CDC42: variants seen among roughly 807,000 people sequenced by gnomAD.
CDC42 encodes the protein cell division control protein 42 homolog.
In CDC42, 1 loss-of-function variant was observed where a neutral mutation model predicts 20.8. That is an observed-to-expected ratio of 0.05 (90% CI 0.02 to 0.23). The LOEUF is 0.23. Ranked by LOEUF, CDC42 falls within the 10% of genes least tolerant of loss-of-function variation. The pLI, the probability that CDC42 is intolerant of heterozygous loss-of-function variation, is 1.00. For synonymous variants in CDC42, 72 were observed against 84.8 expected (o/e 0.85, Z 0.83); for missense variants, 49 against 227.9 (o/e 0.21, Z 5.05).
Position 22,094,367 on chromosome 1 carries a change from G to C in CDC42, c.*2850G>C. Among the ~76,000 whole-genome samples, 1 of 117,212 alleles carries C rather than the reference G, an allele frequency of 8.5e-6. No homozygotes were observed. The highest frequency in any genetic ancestry group is 2.7e-4 in the East Asian group (1 of 3,642). 76.9% of individuals were successfully genotyped at this position (117,212 alleles called of 152,430 possible). A position where few individuals can be genotyped will look rare whatever the true frequency, so the allele number is the denominator to read the frequency against. On this transcript the variant is annotated 3_prime_UTR_variant, in exon 6 of 6. Transcript: ENST00000656825. ...GGCTGGAGTGCAGTGGCGCGATCTCGGCTCACTGCAAGCTCCGCCTCCCGG... is the reference window on the plus strand; with the variant it reads ...GGCTGGAGTGCAGTGGCGCGATCTCCGCTCACTGCAAGCTCCGCCTCCCGG...
At chr1:22,065,009 CG>C (rs747039301) in intron 1 of CDC42, among the ~76,000 whole-genome samples, 1 of 152,184 alleles carries the variant, frequency 6.6e-6, no homozygotes, top group Non-Finnish European at 1.5e-5. Flanking sequence ...GATTATTTCA[CG>C]TTGATAGTAA....
intron 1 of CDC42, among the ~76,000 whole-genome samples, chr1:22,058,156 G>A (rs1405251578): frequency 6.6e-6 from 1 of 152,150 alleles, no homozygotes; most frequent in African/African-American, 2.4e-5. Context: ...GAACTATCAG[G>A]ATTCATCCCA....
intron 1 of CDC42, among the ~76,000 whole-genome samples, chr1:22,078,191 T>G (rs1645571755): frequency 6.6e-6 from 1 of 152,198 alleles, no homozygotes; most frequent in African/African-American, 2.4e-5. Context: ...TCACACCACT[T>G]TGGACCTTTT....
intron 3 of CDC42, among the ~76,000 whole-genome samples, chr1:22,083,248 A>G (rs971286295): frequency 1.3e-5 from 2 of 152,266 alleles, no homozygotes; most frequent in East Asian, 3.9e-4. Context: ...TTTATTATTT[A>G]TAAGCCTTTA....
chr1:22,064,475 C>T (rs888222157), intron 1 of CDC42, among the ~76,000 whole-genome samples: 8 of 151,238 alleles, frequency 5.3e-5, no homozygotes, highest in East Asian at 2.0e-4. Flanking sequence ...TATTTTTAGT[C>T]GAGACGGGTT....
chr1:22,097,926 C>T lies in CDC42; in HGVS notation c.*6409C>T, dbSNP rs924497078. On this transcript the variant is annotated 3_prime_UTR_variant, in exon 6 of 6. Coordinates refer to ENST00000656825, the MANE Select transcript of CDC42 (RefSeq NM_001791.4). The stretch of plus-strand genomic sequence containing the variant: ...AAATGCTCGATGGATTTTGGGTCCA[C>T]CATGCATCTCTGAAGTAGAAGTGAC... Among the ~76,000 whole-genome samples the T allele has an allele frequency of 6.6e-6, 1 of 152,232 alleles. No individual in the cohort carries two copies. The highest frequency in any genetic ancestry group is 2.1e-4 in the South Asian group (1 of 4,834).
chr1:22,072,187 T>C (rs1286273573), intron 1 of CDC42, among the ~76,000 whole-genome samples: 2 of 131,516 alleles, frequency 1.5e-5, no homozygotes, highest in Non-Finnish European at 3.1e-5. Context: ...AAGCTCTGCC[T>C]CCCAGGTTCA....
intron 1 of CDC42, among the ~76,000 whole-genome samples, chr1:22,065,958 C>T (rs966526558): frequency 1.3e-5 from 2 of 152,058 alleles, no homozygotes; most frequent in Non-Finnish European, 2.9e-5. Flanking sequence ...CGGGATTTCA[C>T]CATGTTGGCT....
intron 1 of CDC42, among the ~76,000 whole-genome samples, chr1:22,074,448 A>G (rs997722767): frequency 1.3e-5 from 2 of 152,182 alleles, no homozygotes; most frequent in African/African-American, 4.8e-5. Context: ...GTGATTTGAC[A>G]TTATTTAATA....
chr1:22,053,816 C>T (rs17837945), intron 1 of CDC42, among the ~76,000 whole-genome samples: 7,348 of 152,248 alleles, frequency 0.048, 286 homozygotes, highest in East Asian at 0.18. Flanking sequence ...CTTCAGTGCA[C>T]CTAAAAGCTA....
chr1:22,075,669 G>A (rs1410106164), intron 1 of CDC42, among the ~76,000 whole-genome samples: 9 of 152,202 alleles, frequency 5.9e-5, no homozygotes, highest in South Asian at 2.1e-4. Context: ...GCCAAGCACT[G>A]TTGCAAGTTC....
At position 22,096,970 on chromosome 1, in the gene CDC42, GTATT is replaced by G. The variant is rs780749395; in HGVS notation, c.*5460_*5463del. Among the ~76,000 whole-genome samples the G allele has an allele frequency of 5.9e-5, 9 of 152,246 alleles. No individual in the cohort carries two copies. The highest frequency in any genetic ancestry group is 1.0e-4 in the Non-Finnish European group (7 of 68,046). On this transcript the variant is annotated 3_prime_UTR_variant, in exon 6 of 6. Coordinates refer to ENST00000656825, the MANE Select transcript of CDC42 (RefSeq NM_001791.4). ...ATTGAGATGATTGTTATTCTACATTGTATTTATTTAGATAGTGGGATTGAAAATA... is the reference window on the plus strand; with the variant it reads ...ATTGAGATGATTGTTATTCTACATTGTATTTAGATAGTGGGATTGAAAATA...
chr1:22,069,499 C>T (rs1052741811), intron 1 of CDC42, among the ~76,000 whole-genome samples: 2 of 151,932 alleles, frequency 1.3e-5, no homozygotes, highest in African/African-American at 4.8e-5. Flanking sequence ...GTTCTCTTAC[C>T]CAGGCTGGAG....
At chr1:22,059,965 A>C (rs1412262317) in intron 1 of CDC42, among the ~76,000 whole-genome samples, 2 of 152,206 alleles carry the variant, frequency 1.3e-5, no homozygotes, top group African/African-American at 4.8e-5. Context: ...TCAGTGTCTC[A>C]GGAACACCTG....
chr1:22,090,276 T>G, intron 5 of CDC42: 3 of 1,184,258 alleles, frequency 2.5e-6, no homozygotes, highest in African/African-American at 3.1e-5. Context: ...TGCTCAGAGC[T>G]TTTTGGTTTG....
chr1:22,095,969 A>G lies in CDC42; in HGVS notation c.*4452A>G, dbSNP rs1015281709. 2.6e-5 allele frequency among the ~76,000 whole-genome samples: 4 copies of G among 151,142 alleles called. No individual in the cohort carries two copies. The highest frequency in any genetic ancestry group is 5.9e-5 in the Non-Finnish European group (4 of 67,980). Reference sequence around the variant, plus strand: ...AAAAAATTTATTTATTTATTTATTTATTTATTTTCAGACGGGGTCTTGCAC... The same window carrying G: ...AAAAAATTTATTTATTTATTTATTTGTTTATTTTCAGACGGGGTCTTGCAC... On this transcript the variant is annotated 3_prime_UTR_variant, in exon 6 of 6. Transcript: ENST00000656825.
intron 3 of CDC42, among the ~76,000 whole-genome samples, chr1:22,085,872 G>T (rs367721355): frequency 6.6e-6 from 1 of 152,112 alleles, no homozygotes; most frequent in African/African-American, 2.4e-5. Flanking sequence ...CTGAGATGGA[G>T]TCTCACTCTG....
At chr1:22,085,622 A>G (rs894326282) in intron 3 of CDC42, among the ~76,000 whole-genome samples, 2 of 152,090 alleles carry the variant, frequency 1.3e-5, no homozygotes, top group Non-Finnish European at 2.9e-5. Context: ...TTGTTATCCA[A>G]GTCTTTTGCC....
At position 22,100,267 on chromosome 1, in the gene CDC42, C is replaced by G. The variant is rs1256431004; in HGVS notation, c.*8750C>G. ...GCAGTTTTTGAGTTTAAGTAGTAAA[C>G]TCCTAAACTTCAAGTCATGTTTGTA... is the stretch of plus-strand genomic sequence containing the variant. On this transcript the variant is annotated 3_prime_UTR_variant, in exon 6 of 6. Transcript: ENST00000656825. Among the ~76,000 whole-genome samples the G allele has an allele frequency of 1.3e-5, 2 of 152,098 alleles. No homozygotes were observed. The highest frequency in any genetic ancestry group is 4.8e-5 in the African/African-American group (2 of 41,412).
Sources: gnomAD v4.1 joint callset for allele counts (sites outside exome capture counted in the v4.1 genomes callset) on GRCh38, gnomAD v4.1.1 for gene constraint, MANE v1.5 for transcripts, NCBI Gene and HGNC (gene_info 2026-07-23, HGNC 2026-07-21) for gene names.